The following VTI1A variants were observed in gnomAD, a reference collection of about 807,000 sequenced individuals.
VTI1A encodes the protein vesicle transport through interaction with t-SNAREs 1A, also known as vesicle transport through interaction with t-SNAREs homolog 1A.
VTI1A carries 22 observed loss-of-function variants against 34.9 expected under a neutral mutation model. The ratio of observed to expected loss-of-function variants is 0.63; its 90% confidence interval spans 0.45 to 0.90. VTI1A has a LOEUF of 0.90. Ranked by LOEUF, VTI1A falls within the 40% of genes least tolerant of loss-of-function variation. The pLI is 0.00. For missense variants in VTI1A, 268 were observed against 275.6 expected, an observed-to-expected ratio of 0.97 and a Z score of 0.20; for synonymous variants, 87 against 97.3, an observed-to-expected ratio of 0.89 and a Z score of 0.62.
At chr10:112,642,415 G>C (rs1029002475) in intron 5 of VTI1A, among the ~76,000 whole-genome samples, 1 of 152,110 alleles carries the variant, frequency 6.6e-6, no homozygotes, top group African/African-American at 2.4e-5. Flanking sequence ...GTTGCTGACG[G>C]GTTAGTAAGA....
At chr10:112,501,954 A>ATAAAGTGGT (rs1472416074) in intron 3 of VTI1A, among the ~76,000 whole-genome samples, 1 of 151,908 alleles carries the variant, frequency 6.6e-6, no homozygotes, top group African/African-American at 2.4e-5. Flanking sequence ...ACCAATAAAC[A>ATAAAGTGGT]TAAAGTGGTT....
chr10:112,595,147 T>C (rs1380994072), intron 5 of VTI1A, among the ~76,000 whole-genome samples: 23 of 145,032 alleles, frequency 1.6e-4, no homozygotes, highest in Admixed American at 1.6e-3. Flanking sequence ...TTACACCTTA[T>C]ACAAAAATCA....
At chr10:112,745,425 C>A (rs957491874) in intron 7 of VTI1A, among the ~76,000 whole-genome samples, 1 of 151,968 alleles carries the variant, frequency 6.6e-6, no homozygotes, top group Admixed American at 6.5e-5. Context: ...GTTTTTGTGC[C>A]ACCCACGTAC....
Position 112,798,124 on chromosome 10 carries a change from C to CA in VTI1A, c.561-17165dup, listed in dbSNP as rs578034737. Among the ~76,000 whole-genome samples the CA allele has an allele frequency of 4.0e-4, 61 of 152,320 alleles. 1 individual carries two copies. The East Asian group carries it at 0.011, about 27-fold the overall frequency. ...GGCGCTCTGACCATCCTCCTTTCCT[C>CA]AGGCTGGCGGTGTTAGGTCAGTGCG... On this transcript the variant is annotated intron_variant, in intron 7 of 7. Coordinates refer to ENST00000393077, the MANE Select transcript of VTI1A (RefSeq NM_145206.4).
intron 7 of VTI1A, among the ~76,000 whole-genome samples, chr10:112,690,135 G>A (rs1431883188): frequency 6.1e-5 from 8 of 130,396 alleles, no homozygotes; most frequent in Non-Finnish European, 1.1e-4. Flanking sequence ...CCAGAGTGGG[G>A]GTATACTACA....
chr10:112,478,627 G>A (rs771104152), intron 3 of VTI1A, among the ~76,000 whole-genome samples: 8 of 152,072 alleles, frequency 5.3e-5, no homozygotes, highest in Non-Finnish European at 8.8e-5. Flanking sequence ...TTGTATTCTA[G>A]CACATTTTGT....
chr10:112,507,422 TAC>T (rs1415839819), intron 3 of VTI1A, among the ~76,000 whole-genome samples: 1 of 152,200 alleles, frequency 6.6e-6, no homozygotes, highest in Non-Finnish European at 1.5e-5. Flanking sequence ...GTAGTTGCCT[TAC>T]ACCCTTTGAA....
At chr10:112,820,022 T>C (rs535292574), downstream of VTI1A, among the ~76,000 whole-genome samples, 6 of 152,252 alleles carry the variant, frequency 3.9e-5, no homozygotes, top group South Asian at 6.2e-4. Flanking sequence ...GCATCACCCA[T>C]CCAAGGACAG....
intron 7 of VTI1A, among the ~76,000 whole-genome samples, chr10:112,722,340 T>G (rs1849840597): frequency 6.6e-6 from 1 of 151,078 alleles, no homozygotes. Flanking sequence ...GTGAGGGACA[T>G]CACACACCGG....
At chr10:112,633,819 A>C (rs1846235166) in intron 5 of VTI1A, among the ~76,000 whole-genome samples, 1 of 152,132 alleles carries the variant, frequency 6.6e-6, no homozygotes, top group African/African-American at 2.4e-5. Context: ...TAGTTAGTTA[A>C]TTTATTTAAA....
chr10:112,743,947 C>T (rs1850791257), intron 7 of VTI1A, among the ~76,000 whole-genome samples: 1 of 152,148 alleles, frequency 6.6e-6, no homozygotes, highest in Admixed American at 6.5e-5. Context: ...ACCAAGTCTG[C>T]AGCACCTTGA....
the VTI1A span, among the ~76,000 whole-genome samples, chr10:112,837,332 A>G: frequency 2.0e-5 from 3 of 152,182 alleles, no homozygotes; most frequent in Non-Finnish European, 4.4e-5. Flanking sequence ...GTCTCAAAAA[A>G]AAATCCTGGG....
At chr10:112,799,844 G>C (rs777801308) in intron 7 of VTI1A, among the ~76,000 whole-genome samples, 9 of 152,262 alleles carry the variant, frequency 5.9e-5, no homozygotes, top group African/African-American at 1.9e-4. Context: ...AGAAAACAGA[G>C]CAGCCCAGGG....
chr10:112,625,450 C>A (rs1235244661), intron 5 of VTI1A, among the ~76,000 whole-genome samples: 1 of 151,896 alleles, frequency 6.6e-6, no homozygotes, highest in Non-Finnish European at 1.5e-5. Flanking sequence ...ACCAGCCTGG[C>A]CAACATGGTG....
Position 112,818,459 on chromosome 10 carries a change from T to G in VTI1A, c.*3076T>G, listed in dbSNP as rs1853585946. 4.3e-6 allele frequency: 1 copy of G among 231,136 alleles called. No homozygotes were observed. The highest frequency in any genetic ancestry group is 1.8e-4 in the South Asian group (1 of 5,518). 14.3% of individuals were successfully genotyped at this position (231,136 alleles called of 1,614,324 possible). A position where few individuals can be genotyped will look rare whatever the true frequency, so the allele number is the denominator to read the frequency against. Reference sequence around the variant, plus strand: ...TTCTCTCCCTCTCTTTCTCCTTTTTTTTTGCACATCTTTTCTTTAAAACTG... The same window carrying G: ...TTCTCTCCCTCTCTTTCTCCTTTTTGTTTGCACATCTTTTCTTTAAAACTG... On this transcript the variant is annotated 3_prime_UTR_variant, in exon 8 of 8. Coordinates refer to ENST00000393077, the MANE Select transcript of VTI1A (RefSeq NM_145206.4).
At chr10:112,740,082 G>T (rs760606987) in intron 7 of VTI1A, among the ~76,000 whole-genome samples, 1 of 152,120 alleles carries the variant, frequency 6.6e-6, no homozygotes, top group African/African-American at 2.4e-5. Context: ...GTTTTTAAAC[G>T]TTTAGAAATT....
At chr10:112,723,983 A>G (rs1375265915) in intron 7 of VTI1A, among the ~76,000 whole-genome samples, 1 of 152,252 alleles carries the variant, frequency 6.6e-6, no homozygotes, top group African/African-American at 2.4e-5. Context: ...GTAAAGCTGA[A>G]TAACATCTTT....
chr10:112,754,692 G>A (rs895627063), intron 7 of VTI1A, among the ~76,000 whole-genome samples: 1 of 152,154 alleles, frequency 6.6e-6, no homozygotes, highest in Non-Finnish European at 1.5e-5. Flanking sequence ...AGGCCACATC[G>A]TCTCTGTCTT....
At chr10:112,686,269 A>G (rs141601632) in intron 7 of VTI1A, among the ~76,000 whole-genome samples, 180 of 152,310 alleles carry the variant, frequency 1.2e-3, no homozygotes, top group African/African-American at 4.2e-3. Flanking sequence ...TTGTAGCAGT[A>G]GAAAATCCTA....
Sources: allele counts gnomAD v4.1 joint callset (sites outside exome capture counted in the v4.1 genomes callset), GRCh38; gene constraint gnomAD v4.1.1; transcripts MANE v1.5; gene names NCBI Gene and HGNC (gene_info 2026-07-23, HGNC 2026-07-21).